The following RBFOX1 variants were observed in gnomAD, a reference collection of about 807,000 sequenced individuals.
RBFOX1 encodes RNA binding fox-1 homolog 1, also known as RNA binding protein fox-1 homolog 1.
Under a neutral mutation model 57.7 loss-of-function variants are expected in RBFOX1, and 8 were observed. That is an observed-to-expected ratio of 0.14 (90% confidence interval 0.08 to 0.25). RBFOX1 has a LOEUF of 0.25. Among genes scored for constraint, RBFOX1 ranks in the 10% least tolerant of loss-of-function variants. The pLI is 1.00. For synonymous variants in RBFOX1, 326 were observed against 222.4 expected, an observed-to-expected ratio of 1.47 and a Z score of -4.15; for missense variants, 611 against 548.5, an observed-to-expected ratio of 1.11 and a Z score of -1.14.
At chr16:6,400,169 T>C (rs2093010524) in intron 2 of RBFOX1, among the ~76,000 whole-genome samples, 1 of 152,248 alleles carries the variant, frequency 6.6e-6, no homozygotes, top group Admixed American at 6.5e-5. Flanking sequence ...TTTCAAGTGC[T>C]CATGAAATAT....
At chr16:5,639,725 G>C (rs186381513) in intron 3 of RBFOX1, among the ~76,000 whole-genome samples, 1 of 152,176 alleles carries the variant, frequency 6.6e-6, no homozygotes, top group East Asian at 1.9e-4. Context: ...GAGGCTGCTC[G>C]GCATTTGGGC....
rs889276072 is a variant in RBFOX1 at position 7,310,930 on chromosome 16, T to C, written c.28-207217T>C. On this transcript the variant is annotated intron_variant, in intron 4 of 15. Transcript: ENST00000550418. ...CATCTCTTTGCCATCTTGTGAACCA[T>C]GCATGCAGTACAACGCTTTGGAAAA... Among the ~76,000 whole-genome samples, 5 of 152,212 alleles carry C rather than the reference T, an allele frequency of 3.3e-5. No individual in the cohort carries two copies. In the South Asian group the frequency reaches 6.2e-4, roughly 19 times the overall value.
intron 4 of RBFOX1, among the ~76,000 whole-genome samples, chr16:7,457,249 T>C (rs1310329971): frequency 6.6e-6 from 1 of 152,066 alleles, no homozygotes; most frequent in African/African-American, 2.4e-5. Context: ...GCTCCAGATA[T>C]CCAGGAGGTC....
At chr16:7,102,388 TTAAA>T (rs943247069) in intron 4 of RBFOX1, among the ~76,000 whole-genome samples, 5 of 152,190 alleles carry the variant, frequency 3.3e-5, no homozygotes, top group Admixed American at 3.3e-4. Context: ...TAGTGAAGTG[TTAAA>T]TAGTCGCTTT....
At chr16:5,634,323 G>C (rs1266594210) in intron 3 of RBFOX1, among the ~76,000 whole-genome samples, 1 of 152,114 alleles carries the variant, frequency 6.6e-6, no homozygotes, top group Non-Finnish European at 1.5e-5. Flanking sequence ...TATACAGAGT[G>C]GAAAACAAGC....
At chr16:6,829,744 G>C (rs899290222) in intron 3 of RBFOX1, among the ~76,000 whole-genome samples, 1 of 151,908 alleles carries the variant, frequency 6.6e-6, no homozygotes, top group Admixed American at 6.6e-5. Context: ...TGGAATTACA[G>C]GCACCTGCCA....
intron 2 of RBFOX1, among the ~76,000 whole-genome samples, chr16:5,582,282 A>G (rs1249176537): frequency 6.6e-6 from 1 of 152,104 alleles, no homozygotes. Flanking sequence ...ACGGGCCTTC[A>G]CAGCAAGCTG....
intron 4 of RBFOX1, among the ~76,000 whole-genome samples, chr16:7,338,183 G>A (rs1568284719): frequency 2.0e-5 from 3 of 152,090 alleles, no homozygotes; most frequent in African/African-American, 4.8e-5. Context: ...TGCATTAACT[G>A]TTTTCCCTAA....
At chr16:5,912,073 G>A (rs1280261980) in intron 4 of RBFOX1, among the ~76,000 whole-genome samples, 1 of 152,174 alleles carries the variant, frequency 6.6e-6, no homozygotes, top group Non-Finnish European at 1.5e-5. Flanking sequence ...GCCATCTAAA[G>A]TAGAGACTGG....
intron 2 of RBFOX1, among the ~76,000 whole-genome samples, chr16:6,560,913 A>G (rs191180679): frequency 6.6e-6 from 1 of 152,206 alleles, no homozygotes; most frequent in African/African-American, 2.4e-5. Flanking sequence ...TGCAGGCCAC[A>G]TCAAGATGAT....
chr16:6,123,417 C>T (rs980219012), intron 1 of RBFOX1, among the ~76,000 whole-genome samples: 47 of 152,120 alleles, frequency 3.1e-4, no homozygotes, highest in African/African-American at 1.1e-3. Flanking sequence ...GGGACAAATA[C>T]TATATGGTTC....
chr16:6,491,646 A>G (rs1476664120), intron 2 of RBFOX1, among the ~76,000 whole-genome samples: 2 of 152,168 alleles, frequency 1.3e-5, no homozygotes, highest in Non-Finnish European at 2.9e-5. Flanking sequence ...CCAGATGTGC[A>G]TTATTGGCCT....
At chr16:6,431,896 G>GCTTGCTTTCTTTCTTTCTTT (rs1491277692) in intron 2 of RBFOX1, among the ~76,000 whole-genome samples, 126 of 128,182 alleles carry the variant, frequency 9.8e-4, no homozygotes, top group Non-Finnish European at 1.1e-3. Flanking sequence ...TTGCTTGCTT[G>GCTTGCTTTCTTTCTTTCTTT]CTTTCTTTCT....
At chr16:7,107,556 T>C (rs1007679807) in intron 4 of RBFOX1, among the ~76,000 whole-genome samples, 2 of 152,134 alleles carry the variant, frequency 1.3e-5, no homozygotes, top group East Asian at 3.9e-4. Flanking sequence ...CTGACAAACT[T>C]GACTGTAATC....
intron 3 of RBFOX1, among the ~76,000 whole-genome samples, chr16:6,838,639 C>G (rs1391528067): frequency 4.6e-5 from 7 of 152,296 alleles, no homozygotes; most frequent in African/African-American, 1.4e-4. Flanking sequence ...TGTCTAACAC[C>G]ACTGGTTTGT....
At chr16:5,914,033 G>T (rs2058657051) in intron 4 of RBFOX1, among the ~76,000 whole-genome samples, 3 of 152,172 alleles carry the variant, frequency 2.0e-5, no homozygotes, top group African/African-American at 7.2e-5. Context: ...TTCAAACCTA[G>T]GTGTGTTTGA....
chr16:5,829,884 C>G (rs4296263), intron 3 of RBFOX1, among the ~76,000 whole-genome samples: 113,431 of 152,068 alleles, frequency 0.75, 42,884 homozygotes, highest in African/African-American at 0.88. Flanking sequence ...GAAGAAAAGG[C>G]CTTTGGTTTT....
At chr16:7,607,906 C>A (rs768580668) in intron 10 of RBFOX1, among the ~76,000 whole-genome samples, 2 of 152,216 alleles carry the variant, frequency 1.3e-5, no homozygotes, top group Non-Finnish European at 2.9e-5. Context: ...TCTCCTCACC[C>A]CTTCCCTGCC....
At chr16:7,612,677 C>A (rs1210517559) in intron 10 of RBFOX1, among the ~76,000 whole-genome samples, 21 of 152,014 alleles carry the variant, frequency 1.4e-4, no homozygotes, top group Admixed American at 1.4e-3. Context: ...GCCAATGAAA[C>A]TGTTGATTTA....
Sources: allele counts gnomAD v4.1 joint callset (sites outside exome capture counted in the v4.1 genomes callset), GRCh38; gene constraint gnomAD v4.1.1; transcripts MANE v1.5; gene names NCBI Gene and HGNC (gene_info 2026-07-23, HGNC 2026-07-21).